The following NCAM1 variants were observed in gnomAD, a reference collection of about 807,000 sequenced individuals.
NCAM1 encodes the protein antigen recognized by monoclonal antibody 5.1H11.
A neutral mutation model predicts 109.8 loss-of-function variants in NCAM1; 14 were observed. The observed-to-expected ratio is 0.13, with a 90% CI of 0.08 to 0.20. The LOEUF (loss-of-function observed/expected upper bound fraction) is 0.20. NCAM1 is among the 10% of genes least tolerant of loss of function. The probability of loss-of-function intolerance (pLI) is 1.00; values close to 1 mark genes in which losing one functional copy is unlikely to be tolerated. For synonymous variants in NCAM1, 418 were observed against 442.9 expected, an observed-to-expected ratio of 0.94 and a Z score of 0.70; for missense variants, 774 against 1,109.9, an observed-to-expected ratio of 0.70 and a Z score of 4.30.
At chr11:113,260,376 G>C (rs1945956091) in intron 17 of NCAM1, 53 bp downstream of exon 17, 1 of 1,564,118 alleles carries the variant, frequency 6.4e-7, no homozygotes, top group Non-Finnish European at 8.7e-7. Context: ...ATGCACAAGT[G>C]CTGCACCTCC....
chr11:113,250,299 A>G (rs1945637214), intron 15 of NCAM1, among the ~76,000 whole-genome samples: 1 of 152,240 alleles, frequency 6.6e-6, no homozygotes, highest in Non-Finnish European at 1.5e-5. Flanking sequence ...CCAAGAATGT[A>G]TGCAACATAG....
intron 1 of NCAM1, among the ~76,000 whole-genome samples, chr11:113,054,302 G>A (rs1953613525): frequency 6.6e-6 from 1 of 152,160 alleles, no homozygotes; most frequent in Non-Finnish European, 1.5e-5. Context: ...TAAAATTCCT[G>A]TACTTAATTG....
intron 1 of NCAM1, among the ~76,000 whole-genome samples, chr11:113,037,343 C>T (rs1952922270): frequency 6.6e-6 from 1 of 152,162 alleles, no homozygotes; most frequent in East Asian, 1.9e-4. Flanking sequence ...AATCCCTTTG[C>T]TCTTTTCCTG....
intron 1 of NCAM1, among the ~76,000 whole-genome samples, chr11:113,008,629 C>A (rs1308838591): frequency 1.3e-5 from 2 of 152,168 alleles, no homozygotes; most frequent in African/African-American, 4.8e-5. Context: ...CTTCTTGATA[C>A]TAAATAGTTC....
chr11:113,214,655 C>A, intron 8 of NCAM1, 144 bp downstream of exon 8: 1 of 869,294 alleles, frequency 1.2e-6, no homozygotes, highest in Non-Finnish European at 1.7e-6. Flanking sequence ...CCTCCCTCCC[C>A]AACCCTGCAG....
chr11:113,221,214 T>A, intron 8 of NCAM1, 82 bp from the exon 9 acceptor site: 1 of 1,373,806 alleles, frequency 7.3e-7, no homozygotes, highest in East Asian at 2.5e-5. Flanking sequence ...GTGCACGGAA[T>A]GCAGTGTGAT....
intron 9 of NCAM1, chr11:113,221,616 A>T (rs553035488): frequency 2.8e-4 from 88 of 317,214 alleles, no homozygotes; most frequent in African/African-American, 1.7e-3. Context: ...AATTGCCCCC[A>T]ATTCCCAGGC....
intron 17 of NCAM1, chr11:113,263,917 AGT>A: frequency 1.0e-6 from 1 of 985,556 alleles, no homozygotes; most frequent in South Asian, 4.7e-5. Flanking sequence ...CCAACCTGTC[AGT>A]GCTTCCTGAA....
At position 113,160,336 on chromosome 11, in the gene NCAM1, C is replaced by T. The variant is rs533789025; in HGVS notation, c.53-42043C>T. On this transcript the variant is annotated intron_variant, in intron 1 of 19. Coordinates refer to ENST00000316851, the MANE Select transcript of NCAM1 (RefSeq NM_181351.5). ...TTGTACCTCCTCTTTAGTTCTGCTT[C>T]GCTCCAGGTTACCAACTGCCCCAGT... Among the ~76,000 whole-genome samples the T allele has an allele frequency of 3.3e-5, 5 of 152,296 alleles. No individual in the cohort carries two copies. The South Asian group carries it at 6.2e-4, about 19-fold the overall frequency.
At chr11:113,011,290 A>G (rs1591244070) in intron 1 of NCAM1, among the ~76,000 whole-genome samples, 3 of 147,476 alleles carry the variant, frequency 2.0e-5, no homozygotes, top group African/African-American at 7.5e-5. Flanking sequence ...AAGGACATGA[A>G]CTCATCATTT....
chr11:113,243,532 A>G (rs1945404266), intron 14 of NCAM1: 1 of 518,114 alleles, frequency 1.9e-6, no homozygotes, highest in East Asian at 5.4e-5. Context: ...GCCAGATTGT[A>G]TCCTCTTTTT....
chr11:113,034,944 C>T (rs1306953451), intron 1 of NCAM1, among the ~76,000 whole-genome samples: 2 of 152,132 alleles, frequency 1.3e-5, no homozygotes, highest in Non-Finnish European at 2.9e-5. Context: ...CTGGAATCTA[C>T]GTTAAGAAGA....
At chr11:113,190,928 G>C (rs1943656727) in intron 1 of NCAM1, among the ~76,000 whole-genome samples, 1 of 152,154 alleles carries the variant, frequency 6.6e-6, no homozygotes, top group South Asian at 2.1e-4. Context: ...AGCACAAGTT[G>C]AGTGGCTATA....
chr11:113,108,246 G>A (rs1230611201), intron 1 of NCAM1, among the ~76,000 whole-genome samples: 3 of 152,120 alleles, frequency 2.0e-5, no homozygotes, highest in East Asian at 1.9e-4. Flanking sequence ...TTGTGTGAGG[G>A]CGAGGTAAGC....
chr11:113,104,579 C>T (rs1232415184), intron 1 of NCAM1, among the ~76,000 whole-genome samples: 2 of 152,156 alleles, frequency 1.3e-5, no homozygotes, highest in Non-Finnish European at 2.9e-5. Flanking sequence ...GCTTGAAGTC[C>T]TTTCTAATGA....
intron 1 of NCAM1, among the ~76,000 whole-genome samples, chr11:113,193,601 C>T (rs1167884419): frequency 6.6e-6 from 1 of 150,786 alleles, no homozygotes; most frequent in Non-Finnish European, 1.5e-5. Flanking sequence ...TGCAGTGAAG[C>T]GAGATCCAGC....
At chr11:113,220,498 G>C (rs1377013634) in intron 8 of NCAM1, among the ~76,000 whole-genome samples, 2 of 151,260 alleles carry the variant, frequency 1.3e-5, no homozygotes, top group African/African-American at 4.9e-5. Flanking sequence ...CAGAATGCAT[G>C]CAAAGAGTTG....
intron 16 of NCAM1, among the ~76,000 whole-genome samples, chr11:113,259,330 C>T (rs1006673637): frequency 2.6e-4 from 40 of 152,136 alleles, no homozygotes; most frequent in African/African-American, 9.2e-4. Flanking sequence ...GGATTACAGG[C>T]GTGAGCCACC....
intron 1 of NCAM1, among the ~76,000 whole-genome samples, chr11:113,021,311 G>T (rs1952377477): frequency 6.6e-6 from 1 of 152,188 alleles, no homozygotes; most frequent in Non-Finnish European, 1.5e-5. Flanking sequence ...CTTTTATGGG[G>T]CATTCAGTGA....
Sources: gnomAD v4.1 joint callset for allele counts (sites outside exome capture counted in the v4.1 genomes callset) on GRCh38, gnomAD v4.1.1 for gene constraint, MANE v1.5 for transcripts, NCBI Gene and HGNC (gene_info 2026-07-23, HGNC 2026-07-21) for gene names.